Variants in HAP1 observed in about 807,000 individuals in gnomAD.
HAP1 encodes huntingtin-associated protein 1.
HAP1 carries 59 observed loss-of-function variants against 60.3 expected under a neutral mutation model. The ratio of observed to expected loss-of-function variants is 0.98; its 90% confidence interval spans 0.79 to 1.22. The LOEUF (loss-of-function observed/expected upper bound fraction) is 1.22. Among genes scored for constraint, HAP1 ranks in the 50% most tolerant of loss-of-function variants. HAP1 has a pLI of 0.00. For missense variants in HAP1, 825 were observed against 785.3 expected (o/e 1.05, Z -0.60); for synonymous variants, 346 against 330.6 (o/e 1.05, Z -0.50).
Position 41,723,176 on chromosome 17 carries a change from T to C in HAP1, c.*1525A>G, listed in dbSNP as rs7213337. The C allele has an allele frequency of 0.85, 129,586 of 152,266 alleles. 55,207 individuals carry two copies. Among genetic ancestry groups the C allele is most frequent in the Middle Eastern group, 0.94 (277 of 294 alleles). 9.4% of individuals were successfully genotyped at this position (152,266 alleles called of 1,614,324 possible). On this transcript the variant is annotated 3_prime_UTR_variant, in exon 11 of 11. Coordinates refer to ENST00000347901, the MANE Select transcript of HAP1 (RefSeq NM_177977.3). Reference sequence around the variant, plus strand: ...GCTCAGGGCTGAGTCTGGTAGCCAGTGGGCCTCTCCCGGGCTTCTCCTGCC... The same window carrying C: ...GCTCAGGGCTGAGTCTGGTAGCCAGCGGGCCTCTCCCGGGCTTCTCCTGCC...
chr17:41,721,365 A>G (rs1597730839), downstream of HAP1: 1 of 152,478 alleles, frequency 6.6e-6, no homozygotes, highest in Non-Finnish European at 1.5e-5. Flanking sequence ...TGTGGCTTGC[A>G]TCCACCTTGC....
At chr17:41,719,524 C>A (rs565350858), downstream of HAP1, among the ~76,000 whole-genome samples, 3 of 152,154 alleles carry the variant, frequency 2.0e-5, no homozygotes, top group East Asian at 5.9e-4. Flanking sequence ...GAAACACTGT[C>A]TCTACTAAAA....
At chr17:41,732,203 G>C (rs3895103) in intron 3 of HAP1, 27 bp downstream of exon 3, 1,324,075 of 1,612,294 alleles carry the variant, frequency 0.82, 544,479 homozygotes, top group East Asian at 0.87. Context: ...AGATTGGCCC[G>C]CTATCCTCTC....
chr17:41,730,036 A>AGAGT lies in HAP1; in HGVS notation c.1069+1456_1069+1457insACTC, dbSNP rs782431157. 2 of 42,350 alleles carry AGAGT rather than the reference A, an allele frequency of 4.7e-5. 1 individual carries two copies. Among genetic ancestry groups the AGAGT allele is most frequent in the Non-Finnish European group, 1.0e-4 (2 of 19,812 alleles). The allele number at this position is 42,350 out of a possible 1,614,324, so 2.6% of individuals were successfully genotyped here. On this transcript the variant is annotated intron_variant, in intron 6 of 10. Transcript: ENST00000347901. ...CTCAAAAAAAAAAAGAAAGAAAGAG[A>AGAGT]GAGAGAGAGAGAGAGAGAAGGAAGA...
At chr17:41,727,475 C>A (rs368565795) in intron 8 of HAP1, 48 of 773,132 alleles carry the variant, frequency 6.2e-5, no homozygotes, top group Non-Finnish European at 1.1e-4. Context: ...CAGGCACACC[C>A]AGTCCAGCAC....
Position 41,732,269 on chromosome 17 carries a change from G to C in HAP1, c.675C>G (p.Asn225Lys), listed in dbSNP as rs1912273126. The C allele has an allele frequency of 1.2e-6, 2 of 1,614,018 alleles. No homozygotes were observed. The highest frequency in any genetic ancestry group is 1.3e-5 in the African/African-American group (1 of 74,898). Residue 225 changes from asparagine to lysine, a missense_variant, in exon 3 of 11, where the codon AAC (asparagine) becomes AAG (lysine). By Grantham distance (94) the Asn-to-Lys change is moderately conservative (BLOSUM62 0). Coordinates refer to ENST00000347901, the MANE Select transcript of HAP1 (RefSeq NM_177977.3). ...VKQNSVLMEE[N>K]SKLEALLGSA... The stretch of plus-strand genomic sequence containing the variant: ...AGCCCAGCAGGGCTTCCAGCTTGCT[G>C]TTCTCCTCCATCAAAACACTGTTCT...
intron 8 of HAP1, chr17:41,727,419 C>T (rs1555589202): frequency 2.6e-6 from 2 of 779,370 alleles, no homozygotes; most frequent in Non-Finnish European, 2.4e-6. Context: ...GTACTTCTCC[C>T]GCAGGTCCTG....
chr17:41,727,448 C>G, intron 8 of HAP1: 1 of 778,616 alleles, frequency 1.3e-6, no homozygotes, highest in Non-Finnish European at 2.4e-6. Flanking sequence ...AACCCACCCA[C>G]ACGCTCTGCT....
At chr17:41,732,202 C>T in intron 3 of HAP1, 28 bp downstream of exon 3, 1 of 1,611,258 alleles carries the variant, frequency 6.2e-7, no homozygotes, top group Admixed American at 1.7e-5. Context: ...TAGATTGGCC[C>T]GCTATCCTCT....
chr17:41,731,200 C>T (rs571123495), intron 6 of HAP1, among the ~76,000 whole-genome samples: 10 of 152,270 alleles, frequency 6.6e-5, no homozygotes, highest in African/African-American at 2.4e-4. Context: ...CATGAGCCAC[C>T]GTGCCTGGCC....
At position 41,732,425 on chromosome 17, in the gene HAP1, T is replaced by C. The variant is rs1555591370; in HGVS notation, c.550-31A>G. On this transcript the variant is annotated intron_variant, in intron 2 of 10. Coordinates refer to ENST00000347901, the MANE Select transcript of HAP1 (RefSeq NM_177977.3). ...GGGGACACAGGGGTCAGAGAGAGGCTAGGCCCCTAAGAGAACCTTCCCCAT... is the reference window on the plus strand; with the variant it reads ...GGGGACACAGGGGTCAGAGAGAGGCCAGGCCCCTAAGAGAACCTTCCCCAT... 5 of 1,608,350 alleles carry C rather than the reference T, an allele frequency of 3.1e-6. No individual in the cohort carries two copies. The African/African-American group carries it at 6.7e-5, about 22-fold the overall frequency.
At position 41,722,928 on chromosome 17, in the gene HAP1, C is replaced by A. The variant is rs1911310333; in HGVS notation, c.*1773G>T. 1 of 152,636 alleles carries A rather than the reference C, an allele frequency of 6.6e-6. No individual in the cohort carries two copies. The highest frequency in any genetic ancestry group is 2.4e-5 in the African/African-American group (1 of 41,438). The allele number at this position is 152,636 out of a possible 1,614,324, so 9.5% of individuals were successfully genotyped here. A position where few individuals can be genotyped will look rare whatever the true frequency, so the allele number is the denominator to read the frequency against. On this transcript the variant is annotated 3_prime_UTR_variant, in exon 11 of 11. Transcript: ENST00000347901. The stretch of plus-strand genomic sequence containing the variant: ...GGAGGGAGGGAGAGGAGACACACCA[C>A]TGGGCAGAGGGGCCCTCACCCACCC...
chr17:41,730,915 C>CTT (rs11314342), intron 6 of HAP1, among the ~76,000 whole-genome samples: 1 of 145,600 alleles, frequency 6.9e-6, no homozygotes, highest in Non-Finnish European at 1.5e-5. Flanking sequence ...GGAGACCCAC[C>CTT]TTTTTTTTTT....
chr17:41,732,585 C>G, intron 2 of HAP1, 134 bp downstream of exon 2: 1 of 965,138 alleles, frequency 1.0e-6, no homozygotes, highest in Non-Finnish European at 1.7e-6. Context: ...CATCCCACAT[C>G]GACCTGTCTT....
At chr17:41,731,588 G>A (rs1555590935) in intron 5 of HAP1, 29 bp from the exon 6 acceptor site, 1 of 1,603,830 alleles carries the variant, frequency 6.2e-7, no homozygotes, top group South Asian at 1.1e-5. Flanking sequence ...GAAGGGACAG[G>A]GAAGTCAACA....
chr17:41,724,453 G>A lies in HAP1; in HGVS notation c.*248C>T, dbSNP rs1410937534. ...CAGGGGAAGCAAGCGGGCAGAGATG[G>A]GAAGCTGAGGCGCAGTGTGGGGGCA... On this transcript the variant is annotated 3_prime_UTR_variant, in exon 11 of 11. Coordinates refer to ENST00000347901, the MANE Select transcript of HAP1 (RefSeq NM_177977.3). 7 of 504,276 alleles carry A rather than the reference G, an allele frequency of 1.4e-5. No homozygotes were observed. The highest frequency in any genetic ancestry group is 2.5e-5 in the Non-Finnish European group (7 of 282,300). The allele number at this position is 504,276 out of a possible 1,614,324, so 31.2% of individuals were successfully genotyped here. A position where few individuals can be genotyped will look rare whatever the true frequency, so the allele number is the denominator to read the frequency against.
At chr17:41,726,036 G>C in intron 9 of HAP1, 139 bp from the exon 10 acceptor site, 2 of 675,144 alleles carry the variant, frequency 3.0e-6, no homozygotes, top group Admixed American at 2.2e-5. Context: ...TTGGGAGGCC[G>C]AGGTGGGCAG....
chr17:41,734,074 A>AG, intron 1 of HAP1, 92 bp downstream of exon 1: 1 of 1,009,360 alleles, frequency 9.9e-7, no homozygotes, highest in Non-Finnish European at 1.4e-6. Context: ...TGAGTGCTAG[A>AG]GGGGGCGGGG....
rs200127595 is a variant in HAP1 at position 41,731,478 on chromosome 17, G to A, written c.1069+15C>T. 3.8e-4 allele frequency: 603 copies of A among 1,577,210 alleles called. 4 individuals are homozygous for A. Among genetic ancestry groups the A allele is most frequent in the Middle Eastern group, 1.7e-4 (1 of 6,006 alleles). On this transcript the variant is annotated intron_variant, in intron 6 of 10. Transcript: ENST00000347901. ...CTTGGGACAACCCCCCACCCCGAGT[G>A]ACAACATTACGTACAAAACTGCTCC...
Sources: allele counts gnomAD v4.1 joint callset (sites outside exome capture counted in the v4.1 genomes callset), GRCh38; gene constraint gnomAD v4.1.1; transcripts MANE v1.5; gene names NCBI Gene and HGNC (gene_info 2026-07-23, HGNC 2026-07-21).